DYDC2: variants seen among roughly 807,000 people sequenced by gnomAD.
The protein encoded by DYDC2 is DPY30 domain-containing protein 2.
In DYDC2, 19 loss-of-function variants were observed where a neutral mutation model predicts 18.7. The observed-to-expected ratio is 1.02, with a 90% CI of 0.71 to 1.49. DYDC2 has a LOEUF of 1.49. Among genes scored for constraint, DYDC2 ranks in the 40% most tolerant of loss-of-function variants. The pLI is 0.00. For synonymous variants in DYDC2, 63 were observed against 67.6 expected (o/e 0.93, Z 0.34); for missense variants, 179 against 205.1 (o/e 0.87, Z 0.78).
chr10:80,356,403 C>T, upstream of DYDC2: 3 of 985,668 alleles, frequency 3.0e-6, no homozygotes, highest in Non-Finnish European at 3.6e-6. Flanking sequence ...GGCGGGGGCA[C>T]CCGGGCAGGG....
chr10:80,363,126 C>T, intron 4 of DYDC2, 53 bp downstream of exon 4: 2 of 1,572,898 alleles, frequency 1.3e-6, no homozygotes, highest in Non-Finnish European at 1.7e-6. Flanking sequence ...GTGATGGACT[C>T]CAGGAAAGCC....
chr10:80,363,399 C>G, intron 4 of DYDC2, among the ~76,000 whole-genome samples: 1 of 128,048 alleles, frequency 7.8e-6, no homozygotes, highest in East Asian at 2.4e-4. Context: ...GGCTGGAGCA[C>G]AGTGGAGCGA....
upstream of DYDC2, among the ~76,000 whole-genome samples, chr10:80,355,440 T>A (rs1216574372): frequency 6.6e-6 from 1 of 151,992 alleles, no homozygotes; most frequent in Non-Finnish European, 1.5e-5. Context: ...ATCTAGAAAA[T>A]CACATATGCA....
chr10:80,356,989 G>C (rs2132872399), intron 1 of DYDC2, among the ~76,000 whole-genome samples, 164 bp downstream of exon 1: 2 of 147,206 alleles, frequency 1.4e-5, no homozygotes, highest in South Asian at 4.5e-4. Context: ...CCGCAGAGTA[G>C]AGGGGGCGCG....
At position 80,363,073 on chromosome 10, in the gene DYDC2, G is replaced by C. The variant is rs761700638; in HGVS notation, c.270G>C (p.Lys90Asn). 3 of 1,611,200 alleles carry C rather than the reference G, an allele frequency of 1.9e-6. No individual in the cohort carries two copies. The highest frequency in any genetic ancestry group is 2.5e-6 in the Non-Finnish European group (3 of 1,178,818). The stretch of plus-strand genomic sequence containing the variant: ...AACAGAACTGTGAAAAGTGTCACAA[G>C]GTAGGGAGAAGGACTCAGCTTTGGG... ...QIQQNCEKCHKELTSETVSTK... is the reference protein window; with the variant it reads ...QIQQNCEKCHNELTSETVSTK... Residue 90 changes from lysine (K) to asparagine (N), a missense_variant and splice_region_variant, in exon 4 of 5, where the codon AAG becomes AAC. Physicochemically the swap from Lys to Asn is moderately conservative, Grantham distance 94 (BLOSUM62 0). Coordinates refer to ENST00000256039, the MANE Select transcript of DYDC2 (RefSeq NM_032372.6).
intron 1 of DYDC2, among the ~76,000 whole-genome samples, chr10:80,350,914 A>G (rs1842940230): frequency 6.6e-6 from 1 of 152,096 alleles, no homozygotes; most frequent in African/African-American, 2.4e-5. Context: ...TAATCATGCT[A>G]CCCCAATCCT....
upstream of DYDC2, chr10:80,352,087 C>G: frequency 7.9e-7 from 1 of 1,260,604 alleles, no homozygotes; most frequent in African/African-American, 1.5e-5. Flanking sequence ...TTAATAGGAA[C>G]AATTAGGGAA....
upstream of DYDC2, among the ~76,000 whole-genome samples, chr10:80,355,926 A>G (rs1843338601): frequency 6.6e-6 from 1 of 151,164 alleles, no homozygotes; most frequent in Non-Finnish European, 1.5e-5. Context: ...TTTCTTCAGT[A>G]GGATATACCT....
intron 4 of DYDC2, among the ~76,000 whole-genome samples, chr10:80,364,871 G>T (rs919887603): frequency 1.3e-5 from 2 of 152,210 alleles, no homozygotes; most frequent in African/African-American, 2.4e-5. Context: ...ATTAAGATGT[G>T]AGTTACTCTC....
Position 80,363,030 on chromosome 10 carries a change from A to C in DYDC2, c.227A>C (p.Gln76Pro). ...ATGGAAATGACAGAAATGCTGAAAC[A>C]GGAAGAGTATCAGATTCAACAGAAC... ...KEMEMTEMLK[Q>P]EEYQIQQNCE... Residue 76 changes from glutamine to proline, a missense_variant, in exon 4 of 5, where the codon CAG (glutamine) becomes CCG (proline). Coordinates refer to ENST00000256039, the MANE Select transcript of DYDC2 (RefSeq NM_032372.6). 1 of 1,614,046 alleles carries C rather than the reference A, an allele frequency of 6.2e-7. No individual in the cohort carries two copies. Among genetic ancestry groups the C allele is most frequent in the Non-Finnish European group, 8.5e-7 (1 of 1,179,986 alleles).
chr10:80,360,894 CT>C (rs1274128360), intron 2 of DYDC2, among the ~76,000 whole-genome samples: 3 of 151,800 alleles, frequency 2.0e-5, no homozygotes, highest in Non-Finnish European at 2.9e-5. Context: ...CCCCCAACCC[CT>C]CCAAGTAGCT....
intron 1 of DYDC2, among the ~76,000 whole-genome samples, chr10:80,350,801 T>A (rs770570670): frequency 2.0e-5 from 3 of 152,224 alleles, no homozygotes; most frequent in Non-Finnish European, 4.4e-5. Context: ...AAGCTCTCTA[T>A]AAATTAAATC....
At chr10:80,346,840 C>T (rs936742623) in intron 1 of DYDC2, among the ~76,000 whole-genome samples, 21 of 151,354 alleles carry the variant, frequency 1.4e-4, no homozygotes, top group Non-Finnish European at 2.4e-4. Flanking sequence ...TTTGGGAGGC[C>T]GAGGTGGGTG....
chr10:80,362,219 CTCCG>C (rs1462373499), intron 2 of DYDC2, among the ~76,000 whole-genome samples: 1 of 152,194 alleles, frequency 6.6e-6, no homozygotes, highest in African/African-American at 2.4e-5. Flanking sequence ...GGAATATGGA[CTCCG>C]TCAGGAGGAG....
rs920036454 is a variant in DYDC2 at position 80,367,878 on chromosome 10, G to C, written c.*927G>C. On this transcript the variant is annotated 3_prime_UTR_variant, in exon 5 of 5. Transcript: ENST00000256039. Reference sequence around the variant, plus strand: ...GTGTACAGATCAGTTGTATTAAGTAGATTCATATTCTTGTGCAACCATCAT... The same window carrying C: ...GTGTACAGATCAGTTGTATTAAGTACATTCATATTCTTGTGCAACCATCAT... 7.2e-5 allele frequency: 11 copies of C among 152,162 alleles called. No homozygotes were observed. The highest frequency in any genetic ancestry group is 3.4e-3 in the Middle Eastern group (1 of 294). 9.4% of individuals were successfully genotyped at this position (152,162 alleles called of 1,614,324 possible).
At chr10:80,363,600 G>A (rs545530296) in intron 4 of DYDC2, among the ~76,000 whole-genome samples, 15 of 150,416 alleles carry the variant, frequency 1.0e-4, no homozygotes, top group East Asian at 2.0e-4. Flanking sequence ...TGCCCACCTC[G>A]GCCTCCCAAA....
At chr10:80,349,124 C>A (rs1842838939) in intron 1 of DYDC2, among the ~76,000 whole-genome samples, 2 of 152,156 alleles carry the variant, frequency 1.3e-5, no homozygotes, top group Admixed American at 6.5e-5. Flanking sequence ...ATCTCCTGAC[C>A]CTGTGATCCG....
At chr10:80,350,609 A>T (rs1337564000) in intron 1 of DYDC2, among the ~76,000 whole-genome samples, 1 of 152,182 alleles carries the variant, frequency 6.6e-6, no homozygotes, top group Non-Finnish European at 1.5e-5. Context: ...GCAGTTTTCT[A>T]CCTCAATATC....
chr10:80,363,653 A>AG (rs1167137034), intron 4 of DYDC2, among the ~76,000 whole-genome samples: 1 of 152,036 alleles, frequency 6.6e-6, no homozygotes, highest in Non-Finnish European at 1.5e-5. Flanking sequence ...CAGCCAAAAA[A>AG]TCTGATTTTT....
Sources: gnomAD v4.1 joint callset for allele counts (sites outside exome capture counted in the v4.1 genomes callset) on GRCh38, gnomAD v4.1.1 for gene constraint, MANE v1.5 for transcripts, NCBI Gene and HGNC (gene_info 2026-07-23, HGNC 2026-07-21) for gene names.